Variants in LPIN1 observed in about 807,000 individuals in gnomAD.
LPIN1 encodes phosphatidate phosphatase LPIN1.
A neutral mutation model predicts 107.5 loss-of-function variants in LPIN1; 71 were observed. That is an observed-to-expected ratio of 0.66 (90% CI 0.55 to 0.80). LPIN1 has a LOEUF of 0.80. Among genes scored for constraint, LPIN1 ranks in the 30% least tolerant of loss-of-function variants. The pLI, the probability that LPIN1 is intolerant of heterozygous loss-of-function variation, is 0.00. For missense variants in LPIN1, 1,043 were observed against 1,160.6 expected (o/e 0.90, Z 1.47); for synonymous variants, 445 against 452.6 (o/e 0.98, Z 0.21).
upstream of LPIN1, among the ~76,000 whole-genome samples, chr2:11,743,111 T>C (rs1666537772): frequency 6.6e-6 from 1 of 152,200 alleles, no homozygotes; most frequent in Non-Finnish European, 1.5e-5. This position sits in a 1 kb window ranked among gnomAD's most constrained non-coding sequence, Gnocchi z 4.7. Flanking sequence ...CAACCCAGAC[T>C]GTGCACTCCC....
chr2:11,687,431 G>A (rs539296416), intron 1 of LPIN1, among the ~76,000 whole-genome samples: 2 of 152,222 alleles, frequency 1.3e-5, no homozygotes, highest in African/African-American at 4.8e-5. Context: ...CTGCGGCTGG[G>A]CTCAGGGAGG....
At chr2:11,810,908 A>C (rs1416995692) in intron 17 of LPIN1, among the ~76,000 whole-genome samples, 3 of 152,168 alleles carry the variant, frequency 2.0e-5, no homozygotes, top group Admixed American at 2.0e-4. Context: ...GAGATTAGGC[A>C]GAGGAGAAAA....
chr2:11,747,978 A>G (rs1667216861), intron 1 of LPIN1, among the ~76,000 whole-genome samples: 1 of 152,186 alleles, frequency 6.6e-6, no homozygotes, highest in South Asian at 2.1e-4. Flanking sequence ...TGGGACCCTG[A>G]GCGAGTTCTT....
intron 1 of LPIN1, among the ~76,000 whole-genome samples, chr2:11,711,915 T>G (rs1572369759): frequency 6.6e-6 from 1 of 152,210 alleles, no homozygotes; most frequent in East Asian, 1.9e-4. Context: ...GAGCCTCAGG[T>G]TTTCTGTAGC....
chr2:11,692,578 C>CT (rs1662327067), intron 1 of LPIN1, among the ~76,000 whole-genome samples: 1 of 152,234 alleles, frequency 6.6e-6, no homozygotes, highest in Admixed American at 6.5e-5. Context: ...AAGTGCTTAG[C>CT]AAATAGTGCT....
intron 1 of LPIN1, among the ~76,000 whole-genome samples, chr2:11,679,107 T>C (rs575775754): frequency 1.3e-5 from 2 of 152,322 alleles, no homozygotes; most frequent in South Asian, 2.1e-4. Flanking sequence ...GGACTGACTC[T>C]CTCGCCAGCC....
chr2:11,705,801 A>G (rs1022320001), intron 1 of LPIN1, among the ~76,000 whole-genome samples: 5 of 152,202 alleles, frequency 3.3e-5, no homozygotes, highest in Admixed American at 6.5e-5. Flanking sequence ...TACTTCTAAA[A>G]GCAGTGGGAA....
At chr2:11,797,930 G>GTAATCCCCA (rs1677012771) in intron 14 of LPIN1, among the ~76,000 whole-genome samples, 1 of 152,208 alleles carries the variant, frequency 6.6e-6, no homozygotes, top group Non-Finnish European at 1.5e-5. Context: ...ACTTTGAACT[G>GTAATCCCCA]TAATCCCCAT....
intron 18 of LPIN1, chr2:11,818,779 A>G (rs1441507803): frequency 6.6e-6 from 1 of 152,184 alleles, no homozygotes; most frequent in East Asian, 1.9e-4. Context: ...TTTTTTTAGT[A>G]TTCCCTTCTA....
chr2:11,797,552 A>G (rs1431523684), intron 14 of LPIN1, among the ~76,000 whole-genome samples: 2 of 152,264 alleles, frequency 1.3e-5, no homozygotes, highest in African/African-American at 4.8e-5. Context: ...ATGGAGTCAA[A>G]GGAGATCATT....
chr2:11,713,226 G>A (rs1359944535), intron 1 of LPIN1, among the ~76,000 whole-genome samples: 3 of 152,212 alleles, frequency 2.0e-5, no homozygotes, highest in Admixed American at 6.5e-5. Flanking sequence ...CGCACCCTAT[G>A]TAATTGACAC....
intron 17 of LPIN1, among the ~76,000 whole-genome samples, chr2:11,809,299 A>G (rs1679244655): frequency 6.6e-6 from 1 of 152,162 alleles, no homozygotes; most frequent in Admixed American, 6.5e-5. Context: ...TGTCTTTGTG[A>G]CTTAGAAAAA....
At chr2:11,799,517 C>T (rs910951787) in intron 14 of LPIN1, among the ~76,000 whole-genome samples, 1 of 151,862 alleles carries the variant, frequency 6.6e-6, no homozygotes, top group Non-Finnish European at 1.5e-5. Context: ...GTACCAGCTC[C>T]AGGACCACAT....
chr2:11,792,240 A>C, intron 13 of LPIN1: 1 of 486,228 alleles, frequency 2.1e-6, no homozygotes, highest in Non-Finnish European at 3.8e-6. Context: ...CTGTTGGGAG[A>C]CTGTGGTCCA....
rs1477738270 is a variant in LPIN1 at position 11,819,475 on chromosome 2, G to A, written c.2403-9G>A. The A allele has an allele frequency of 6.6e-7, 1 of 1,526,106 alleles. No homozygotes were observed. The highest frequency in any genetic ancestry group is 1.7e-5 in the Admixed American group (1 of 59,918). The allele number at this position is 1,526,106 out of a possible 1,614,324, so 94.5% of individuals were successfully genotyped here. On this transcript the variant is annotated splice_polypyrimidine_tract_variant and intron_variant, in intron 18 of 20. Transcript: ENST00000674199. ...TCTCATGTTAATCTGTTATTTATTT[G>A]TTTAACAGAGAAGTGATTGAAAAGA...
chr2:11,768,222 A>G (rs1671247952), intron 3 of LPIN1, among the ~76,000 whole-genome samples: 1 of 152,234 alleles, frequency 6.6e-6, no homozygotes, highest in African/African-American at 2.4e-5. Context: ...TACTTTAAAA[A>G]ATATTTTAAA....
chr2:11,815,091 T>C lies in LPIN1; in HGVS notation c.2253T>C (p.Asn751=), dbSNP rs770929198. 9 of 1,614,128 alleles carry C rather than the reference T, an allele frequency of 5.6e-6. No homozygotes were observed. Among genetic ancestry groups the C allele is most frequent in the Non-Finnish European group, 6.8e-6 (8 of 1,179,952 alleles). ...IAKLYHKVSQ[N]GYKFLYCSAR... ...GTGAATGTTTTATGTCTTTCAGGAA[T>C]GGATATAAATTTCTCTACTGTTCTG... Residue 751 remains asparagine (N), a synonymous_variant, in exon 18 of 21, where the codon AAT becomes AAC. Transcript: ENST00000674199.
intron 2 of LPIN1, among the ~76,000 whole-genome samples, chr2:11,715,041 G>A (rs1044573392): frequency 1.3e-5 from 2 of 152,244 alleles, no homozygotes; most frequent in Non-Finnish European, 2.9e-5. Context: ...GCCAAATGGA[G>A]GCCAGGAATC....
intron 18 of LPIN1, among the ~76,000 whole-genome samples, chr2:11,815,639 C>T (rs1473245045): frequency 2.0e-5 from 3 of 152,032 alleles, no homozygotes; most frequent in East Asian, 3.9e-4. Context: ...TCTTAATGTC[C>T]GTTGGACAAT....
Sources: gnomAD v4.1 joint callset for allele counts (sites outside exome capture counted in the v4.1 genomes callset) on GRCh38, gnomAD v4.1.1 for gene constraint, Gnocchi (gnomAD v3.1) non-coding constraint, MANE v1.5 for transcripts, NCBI Gene and HGNC (gene_info 2026-07-23, HGNC 2026-07-21) for gene names.